The following AHCYL1 variants were observed in gnomAD, a reference collection of about 807,000 sequenced individuals.
The protein encoded by AHCYL1 is adenosylhomocysteinase like 1.
A neutral mutation model predicts 79.3 loss-of-function variants in AHCYL1; 20 were observed. The ratio of observed to expected loss-of-function variants is 0.25; its 90% CI spans 0.18 to 0.37. The LOEUF (loss-of-function observed/expected upper bound fraction) is 0.37, where lower values mean the gene tolerates loss of function less well. AHCYL1 is among the 10% of genes least tolerant of loss of function. AHCYL1 has a pLI of 1.00. For synonymous variants in AHCYL1, 223 were observed against 242.2 expected, an observed-to-expected ratio of 0.92 and a Z score of 0.74; for missense variants, 330 against 673.6, an observed-to-expected ratio of 0.49 and a Z score of 5.65.
In AHCYL1 at chr1:109,990,418, T is replaced by G. The variant is rs533071344; in HGVS notation, c.120+5246T>G. Reference sequence around the variant, plus strand: ...TTATACCTGTTATCCTAGCATGCAGTCCAAGGAGTGCCTCCGTAGCTCTGA... The same window carrying G: ...TTATACCTGTTATCCTAGCATGCAGGCCAAGGAGTGCCTCCGTAGCTCTGA... On this transcript the variant is annotated intron_variant, in intron 1 of 16. Transcript: ENST00000369799. Among the ~76,000 whole-genome samples the G allele has an allele frequency of 5.3e-5, 8 of 152,292 alleles. No homozygotes were observed. The South Asian group carries it at 1.7e-3, about 32-fold the overall frequency.
At chr1:109,998,345 G>A (rs1225159376) in intron 1 of AHCYL1, among the ~76,000 whole-genome samples, 1 of 152,082 alleles carries the variant, frequency 6.6e-6, no homozygotes, top group Non-Finnish European at 1.5e-5. Flanking sequence ...CTTGGGCCAG[G>A]TGTGGTGGCT....
Position 110,014,817 on chromosome 1 carries a change from T to C in AHCYL1, c.635T>C (p.Ile212Thr). The C allele has an allele frequency of 6.2e-7, 1 of 1,614,222 alleles. No individual in the cohort carries two copies. Among genetic ancestry groups the C allele is most frequent in the Non-Finnish European group, 8.5e-7 (1 of 1,180,032 alleles). Residue 212 changes from isoleucine to threonine, a missense_variant, in exon 6 of 17, where the codon ATT (isoleucine) becomes ACT (threonine). This residue lies in a region of AHCYL1 where 25 missense variants were observed against 27.7 expected (regional missense o/e 0.90). Coordinates refer to ENST00000369799, the MANE Select transcript of AHCYL1 (RefSeq NM_006621.7). ...TCAGAAGATGACTTCTGGTGGTGTA[T>C]TGACCGCTGTGTGAACATGGATGGG... ...GESEDDFWWC[I>T]DRCVNMDGWQ...
Position 109,984,789 on chromosome 1 carries a change from G to C in AHCYL1, c.-264G>C. 1 of 341,268 alleles carries C rather than the reference G, an allele frequency of 2.9e-6. No homozygotes were observed. The highest frequency in any genetic ancestry group is 5.3e-5 in the Admixed American group (1 of 18,786). The allele number at this position is 341,268 out of a possible 1,614,324, so 21.1% of individuals were successfully genotyped here. On this transcript the variant is annotated 5_prime_UTR_variant, in exon 1 of 17. Transcript: ENST00000369799. ...CGCTTTGCGTGCGTGTTTGCGTACA[G>C]CGGAGGTGGCGGCGCGGGCAGGTCG...
chr1:110,006,649 T>C (rs1650676557), intron 1 of AHCYL1, among the ~76,000 whole-genome samples: 1 of 152,202 alleles, frequency 6.6e-6, no homozygotes, highest in Non-Finnish European at 1.5e-5. Flanking sequence ...AAAACAGAGC[T>C]ACTAGCTGTG....
intron 1 of AHCYL1, among the ~76,000 whole-genome samples, chr1:109,993,946 A>G (rs971473359): frequency 1.3e-5 from 2 of 152,186 alleles, no homozygotes; most frequent in African/African-American, 4.8e-5. Flanking sequence ...TGGAAAGTAC[A>G]TTGGAACTCT....
rs749890594 is a variant in AHCYL1 at position 110,020,750 on chromosome 1, G to A, written c.1485G>A (p.Leu495=). The A allele has an allele frequency of 1.9e-6, 3 of 1,612,902 alleles. No homozygotes were observed. Among genetic ancestry groups the A allele is most frequent in the East Asian group, 2.2e-5 (1 of 44,788 alleles). Reference sequence around the variant, plus strand: ...TCCTAGATGAATACGTTGCCAGCTTGCATCTGCCATCATTTGATGCCCACC... The same window carrying A: ...TCCTAGATGAATACGTTGCCAGCTTACATCTGCCATCATTTGATGCCCACC... The part of the protein sequence containing the change: ...PKKMDEYVAS[L]HLPSFDAHLT... Residue 495 remains leucine (L), a synonymous_variant, in exon 16 of 17, where the codon TTG becomes TTA. Transcript: ENST00000369799.
At position 110,016,653 on chromosome 1, in the gene AHCYL1, G is replaced by C. The variant is rs1237204471; in HGVS notation, c.900-14G>C. 2 of 1,614,072 alleles carry C rather than the reference G, an allele frequency of 1.2e-6. No individual in the cohort carries two copies. Among genetic ancestry groups the C allele is most frequent in the East Asian group, 4.5e-5 (2 of 44,882 alleles). On this transcript the variant is annotated splice_polypyrimidine_tract_variant and intron_variant, in intron 8 of 16. Transcript: ENST00000369799. ...CTATTAACGTTTGAGTTGAGCCCTT[G>C]TCTGTTTCCACAGCCTGAAGAGGAC...
chr1:110,011,204 C>T lies in AHCYL1; in HGVS notation c.233-10C>T, dbSNP rs1156370095. On this transcript the variant is annotated splice_polypyrimidine_tract_variant and intron_variant, in intron 2 of 16. Coordinates refer to ENST00000369799, the MANE Select transcript of AHCYL1 (RefSeq NM_006621.7). ...TTTTCTATCCTTGTTTTTTTCTTTC[C>T]TGGCTCTAGCTGCATCCTACACAGA... 6.8e-6 allele frequency: 11 copies of T among 1,608,392 alleles called. No homozygotes were observed. Among genetic ancestry groups the T allele is most frequent in the Admixed American group, 5.2e-5 (3 of 58,178 alleles).
Position 109,984,976 on chromosome 1 carries a change from C to CGCGG in AHCYL1, c.-74_-71dup. Reference sequence around the variant, plus strand: ...GGCGATCGCGTGTCGGAGGGCGCCGCGCGGGCAGGCGGGCGGGCGCCAGAG... The same window carrying CGCGG: ...GGCGATCGCGTGTCGGAGGGCGCCGCGCGGGCGGGCAGGCGGGCGGGCGCCAGAG... On this transcript the variant is annotated 5_prime_UTR_variant, in exon 1 of 17. Coordinates refer to ENST00000369799, the MANE Select transcript of AHCYL1 (RefSeq NM_006621.7). 1 of 1,370,426 alleles carries CGCGG rather than the reference C, an allele frequency of 7.3e-7. No individual in the cohort carries two copies. The highest frequency in any genetic ancestry group is 9.4e-7 in the Non-Finnish European group (1 of 1,064,270). 84.9% of individuals were successfully genotyped at this position (1,370,426 alleles called of 1,614,324 possible).
In AHCYL1 at chr1:110,021,707, A is replaced by G. The variant is rs1461223274; in HGVS notation, c.*27A>G. The stretch of plus-strand genomic sequence containing the variant: ...GGACCATACTACCAAGGACCAGTCC[A>G]CCTGAACCACACACTCTAAAGAAAT... On this transcript the variant is annotated 3_prime_UTR_variant, in exon 17 of 17. Transcript: ENST00000369799. The G allele has an allele frequency of 3.7e-6, 6 of 1,605,822 alleles. No homozygotes were observed. The Admixed American group carries it at 1.0e-4, about 27-fold the overall frequency.
At chr1:110,017,684 G>A in intron 10 of AHCYL1, 101 bp downstream of exon 10, 2 of 1,300,026 alleles carry the variant, frequency 1.5e-6, no homozygotes, top group South Asian at 2.6e-5. Context: ...AAATCACCTA[G>A]GGGAAGAGAA....
intron 1 of AHCYL1, among the ~76,000 whole-genome samples, chr1:109,992,362 A>G (rs1054468350): frequency 4.7e-5 from 7 of 148,552 alleles, no homozygotes; most frequent in Admixed American, 1.4e-4. Flanking sequence ...GTGAGCCAAG[A>G]TCGCACCACT....
chr1:109,986,742 AT>A (rs1391289914), intron 1 of AHCYL1, among the ~76,000 whole-genome samples: 1 of 152,244 alleles, frequency 6.6e-6, no homozygotes, highest in Non-Finnish European at 1.5e-5. Flanking sequence ...CAAAGTCTAT[AT>A]CGTAGATTGT....
intron 15 of AHCYL1, among the ~76,000 whole-genome samples, chr1:110,020,142 C>G (rs1651697934): frequency 6.6e-6 from 1 of 152,202 alleles, no homozygotes; most frequent in Non-Finnish European, 1.5e-5. Flanking sequence ...TCCCTGACTT[C>G]TTAATGCTAA....
At chr1:110,007,534 A>C (rs1299754443) in intron 1 of AHCYL1, among the ~76,000 whole-genome samples, 2 of 152,180 alleles carry the variant, frequency 1.3e-5, no homozygotes, top group East Asian at 1.9e-4. Flanking sequence ...CTGCACTGCA[A>C]TCTGGTGCTC....
chr1:110,012,537 CTTTCCT>C (rs1651102783), intron 4 of AHCYL1, 75 bp downstream of exon 4: 2 of 1,217,392 alleles, frequency 1.6e-6, no homozygotes, highest in East Asian at 5.3e-5. Context: ...TTCACTTTTC[CTTTCCT>C]AACTCGCCAA....
In AHCYL1 at chr1:110,021,835, C is replaced by T. The variant is rs2101749356; in HGVS notation, c.*155C>T. On this transcript the variant is annotated 3_prime_UTR_variant, in exon 17 of 17. Coordinates refer to ENST00000369799, the MANE Select transcript of AHCYL1 (RefSeq NM_006621.7). ...CATCTCATTATCCAAGTTCTGCAGA[C>T]CACACAGGAACTTGCTTCATGGCTC... The T allele has an allele frequency of 1.4e-6, 1 of 734,880 alleles. No individual in the cohort carries two copies. The highest frequency in any genetic ancestry group is 2.1e-6 in the Non-Finnish European group (1 of 468,116). The allele number at this position is 734,880 out of a possible 1,614,324, so 45.5% of individuals were successfully genotyped here.
intron 5 of AHCYL1, among the ~76,000 whole-genome samples, chr1:110,013,442 G>C (rs1294846978): frequency 6.6e-6 from 1 of 152,188 alleles, no homozygotes; most frequent in Non-Finnish European, 1.5e-5. Flanking sequence ...AGGCCTGGTG[G>C]CCCACGCCTA....
chr1:110,009,351 C>A (rs1393473507), intron 2 of AHCYL1, among the ~76,000 whole-genome samples: 1 of 152,232 alleles, frequency 6.6e-6, no homozygotes, highest in Non-Finnish European at 1.5e-5. Flanking sequence ...TTCCCCCTGG[C>A]TGTCTGTGTG....
Sources: gnomAD v4.1 joint callset for allele counts (sites outside exome capture counted in the v4.1 genomes callset) on GRCh38, gnomAD v4.1.1 for gene constraint, gnomAD v4.1.1 regional missense constraint, MANE v1.5 for transcripts, NCBI Gene and HGNC (gene_info 2026-07-23, HGNC 2026-07-21) for gene names.